The following MAD1L1 variants were observed in gnomAD, a reference collection of about 807,000 sequenced individuals.
MAD1L1 encodes the protein mitotic arrest deficient 1 like 1, also known as mitotic spindle assembly checkpoint protein MAD1.
A neutral mutation model predicts 96.9 loss-of-function variants in MAD1L1; 95 were observed. That is an observed-to-expected ratio of 0.98 (90% CI 0.83 to 1.16). MAD1L1 has a LOEUF of 1.16. Ranked by LOEUF, MAD1L1 falls within the 50% of genes most tolerant of loss-of-function variation. The probability of loss-of-function intolerance (pLI) is 0.00; values close to 1 mark genes in which losing one functional copy is unlikely to be tolerated. For missense variants in MAD1L1, 1,007 were observed against 954.4 expected (o/e 1.06, Z -0.73); for synonymous variants, 473 against 396.6 (o/e 1.19, Z -2.29).
At chr7:1,994,531 G>A (rs1029253575) in intron 14 of MAD1L1, among the ~76,000 whole-genome samples, 1 of 152,190 alleles carries the variant, frequency 6.6e-6, no homozygotes, top group Admixed American at 6.5e-5. Context: ...AGGGCAGTGA[G>A]CGCCCACCGG....
At chr7:1,881,308 T>C (rs749552397) in intron 18 of MAD1L1, among the ~76,000 whole-genome samples, 44 of 152,230 alleles carry the variant, frequency 2.9e-4, no homozygotes, top group African/African-American at 1.1e-3. Flanking sequence ...GAGTTATTTA[T>C]ATCCTGGTGT....
chr7:2,189,557 T>C (rs1791619176), intron 10 of MAD1L1, among the ~76,000 whole-genome samples: 1 of 151,376 alleles, frequency 6.6e-6, no homozygotes. Flanking sequence ...AGGACAAATA[T>C]TTCATGATTC....
At position 1,976,912 on chromosome 7, in the gene MAD1L1, A is replaced by C. The variant is rs1410820965; in HGVS notation, c.1505+3541T>G. Among the ~76,000 whole-genome samples, 4 of 152,064 alleles carry C rather than the reference A, an allele frequency of 2.6e-5. No individual in the cohort carries two copies. The East Asian group carries it at 7.7e-4, about 29-fold the overall frequency. On this transcript the variant is annotated intron_variant, in intron 15 of 18. Coordinates refer to ENST00000265854, the MANE Select transcript of MAD1L1 (RefSeq NM_001013836.2). ...AAGCTCTCCAAGTCCCCACCAGATT[A>C]CCTAGACACAGAGCACTGACTGGTG...
intron 12 of MAD1L1, among the ~76,000 whole-genome samples, chr7:2,020,529 A>G (rs1782743574): frequency 6.6e-6 from 1 of 152,206 alleles, no homozygotes; most frequent in Non-Finnish European, 1.5e-5. Context: ...CTAGAGCAGA[A>G]CACCATGAGG....
At chr7:1,897,389 C>T (rs1225068704) in intron 18 of MAD1L1, among the ~76,000 whole-genome samples, 1 of 152,214 alleles carries the variant, frequency 6.6e-6, no homozygotes, top group African/African-American at 2.4e-5. Flanking sequence ...CCGCCCCCTC[C>T]ACCCTTCCTG....
Position 2,142,035 on chromosome 7 carries a change from G to A in MAD1L1, c.1073+7117C>T, listed in dbSNP as rs908259642. Among the ~76,000 whole-genome samples the A allele has an allele frequency of 7.2e-5, 11 of 152,200 alleles. No homozygotes were observed. Among genetic ancestry groups the A allele is most frequent in the Non-Finnish European group, 1.3e-4 (9 of 68,034 alleles). Reference sequence around the variant, plus strand: ...CTGCTCCCCTGTCACCTTGAGCAGCGCACTCTGGGGCACCTGACTCACTGA... The same window carrying A: ...CTGCTCCCCTGTCACCTTGAGCAGCACACTCTGGGGCACCTGACTCACTGA... On this transcript the variant is annotated intron_variant, in intron 11 of 18. Coordinates refer to ENST00000265854, the MANE Select transcript of MAD1L1 (RefSeq NM_001013836.2). The surrounding 1 kb of genome is among the most constrained non-coding windows in gnomAD (Gnocchi z 4.7).
intron 13 of MAD1L1, among the ~76,000 whole-genome samples, chr7:2,013,495 G>A (rs1028779464): frequency 3.3e-5 from 5 of 152,202 alleles, no homozygotes; most frequent in Non-Finnish European, 2.9e-5. Flanking sequence ...GTCCCTTGAC[G>A]CCCCCAGGCC....
intron 11 of MAD1L1, among the ~76,000 whole-genome samples, chr7:2,081,525 C>T (rs568355232): frequency 2.0e-5 from 3 of 152,340 alleles, no homozygotes; most frequent in East Asian, 3.9e-4. Context: ...ATCCCCGCAT[C>T]GGGCCGGAAC....
At chr7:1,915,146 C>T (rs188724903) in intron 17 of MAD1L1, among the ~76,000 whole-genome samples, 7 of 152,174 alleles carry the variant, frequency 4.6e-5, no homozygotes, top group Admixed American at 2.0e-4. Context: ...AGGTGCTGGG[C>T]GCCTGGTAAC....
intron 12 of MAD1L1, among the ~76,000 whole-genome samples, chr7:2,035,014 C>T (rs1469157434): frequency 6.6e-6 from 1 of 152,262 alleles, no homozygotes; most frequent in Non-Finnish European, 1.5e-5. Flanking sequence ...CACAAGTCCA[C>T]ACTGGGGCTG....
chr7:2,168,934 G>C (rs1045829509), intron 10 of MAD1L1, among the ~76,000 whole-genome samples: 2 of 152,256 alleles, frequency 1.3e-5, no homozygotes, highest in Non-Finnish European at 2.9e-5. Flanking sequence ...GGCTGAAGCG[G>C]GAGGAACACG....
intron 18 of MAD1L1, among the ~76,000 whole-genome samples, chr7:1,844,851 G>A (rs550914322): frequency 3.9e-5 from 6 of 152,370 alleles, no homozygotes; most frequent in Admixed American, 6.5e-5. Flanking sequence ...ACCTGAGCGT[G>A]TCCTCCTCTG....
At chr7:1,887,746 C>T (rs2128668984) in intron 18 of MAD1L1, among the ~76,000 whole-genome samples, 1 of 134,060 alleles carries the variant, frequency 7.5e-6, no homozygotes. Flanking sequence ...GCTTCCTGTG[C>T]ATGTGTCCAT....
At chr7:1,825,413 C>T (rs532094991) in intron 18 of MAD1L1, among the ~76,000 whole-genome samples, 96 of 152,334 alleles carry the variant, frequency 6.3e-4, no homozygotes, top group African/African-American at 2.1e-3. Context: ...AGACGCCAGG[C>T]GTGGGTCACA....
chr7:2,218,193 C>A, intron 6 of MAD1L1, 150 bp from the exon 7 acceptor site: 2 of 634,552 alleles, frequency 3.2e-6, no homozygotes, highest in Non-Finnish European at 5.7e-6. Flanking sequence ...CCCCCCGCCC[C>A]CCGCCAACAC....
intron 11 of MAD1L1, among the ~76,000 whole-genome samples, chr7:2,093,022 G>C (rs919091002): frequency 2.0e-5 from 3 of 151,808 alleles, no homozygotes; most frequent in Non-Finnish European, 2.9e-5. Context: ...TGGATCACGA[G>C]GTCAGGAGTT....
Position 2,215,993 on chromosome 7 carries a change from C to G in MAD1L1, c.816G>C (p.Met272Ile). ...CCTGGAGCAGCCCGTTGGTCTCTCT[C>G]ATCTCCCTGGCAGTGCCACAAAGAG... is the stretch of plus-strand genomic sequence containing the variant. ...LREESAHLRE[M>I]RETNGLLQEE... Residue 272 changes from methionine to isoleucine, a missense_variant, in exon 9 of 19, where the codon ATG (methionine) becomes ATC (isoleucine). Met to Ile is a conservative substitution (Grantham distance 10). Coordinates refer to ENST00000265854, the MANE Select transcript of MAD1L1 (RefSeq NM_001013836.2). The G allele has an allele frequency of 6.2e-7, 1 of 1,614,142 alleles. No individual in the cohort carries two copies. The highest frequency in any genetic ancestry group is 8.5e-7 in the Non-Finnish European group (1 of 1,180,022).
At chr7:1,880,273 G>C (rs1785610476) in intron 18 of MAD1L1, among the ~76,000 whole-genome samples, 1 of 152,136 alleles carries the variant, frequency 6.6e-6, no homozygotes, top group African/African-American at 2.4e-5. Flanking sequence ...TCCTACCTGT[G>C]GTGACCCAGG....
intron 18 of MAD1L1, among the ~76,000 whole-genome samples, chr7:1,896,829 A>G (rs781228790): frequency 6.6e-6 from 1 of 152,248 alleles, no homozygotes; most frequent in Non-Finnish European, 1.5e-5. Context: ...GTAACGAGTG[A>G]TATGTTAAGT....
Sources: gnomAD v4.1 joint callset for allele counts (sites outside exome capture counted in the v4.1 genomes callset) on GRCh38, gnomAD v4.1.1 for gene constraint, Gnocchi (gnomAD v3.1) non-coding constraint, MANE v1.5 for transcripts, NCBI Gene and HGNC (gene_info 2026-07-23, HGNC 2026-07-21) for gene names.